MRS2: variants seen among roughly 807,000 people sequenced by gnomAD.
MRS2 encodes the protein magnesium transporter MRS2 homolog, mitochondrial.
A neutral mutation model predicts 52.6 loss-of-function variants in MRS2; 40 were observed. The ratio of observed to expected loss-of-function variants is 0.76; its 90% confidence interval spans 0.59 to 0.99. MRS2 has a LOEUF of 0.99. MRS2 is among the 50% of genes least tolerant of loss of function. MRS2 has a pLI of 0.00. For synonymous variants in MRS2, 193 were observed against 195.9 expected (o/e 0.98, Z 0.13); for missense variants, 472 against 532.7 (o/e 0.89, Z 1.12).
rs1762208156 is a variant in MRS2 at position 24,425,609 on chromosome 6, A to C, written c.*1915A>C. Reference sequence around the variant, plus strand: ...AAATATATGAAGTTCCTTGGTTTTAAATTTTGAACTAAAATGGACTGAGCA... The same window carrying C: ...AAATATATGAAGTTCCTTGGTTTTACATTTTGAACTAAAATGGACTGAGCA... On this transcript the variant is annotated 3_prime_UTR_variant, in exon 11 of 11. Coordinates refer to ENST00000378386, the MANE Select transcript of MRS2 (RefSeq NM_020662.4). 1 of 152,208 alleles carries C rather than the reference A, an allele frequency of 6.6e-6. No homozygotes were observed. The highest frequency in any genetic ancestry group is 1.5e-5 in the Non-Finnish European group (1 of 68,038). The allele number at this position is 152,208 out of a possible 1,614,324, so 9.4% of individuals were successfully genotyped here. A position where few individuals can be genotyped will look rare whatever the true frequency, so the allele number is the denominator to read the frequency against.
At chr6:24,414,781 A>G (rs1414471153) in intron 5 of MRS2, among the ~76,000 whole-genome samples, 4 of 152,316 alleles carry the variant, frequency 2.6e-5, no homozygotes, top group East Asian at 3.9e-4. Context: ...CGGGAGGAGA[A>G]AGACTCTTAC....
intron 7 of MRS2, 51 bp from the exon 8 acceptor site, chr6:24,418,033 A>G (rs1761910782): frequency 2.0e-6 from 3 of 1,522,438 alleles, no homozygotes; most frequent in East Asian, 4.5e-5. Flanking sequence ...GTCACTAAGT[A>G]TATGATACAC....
intron 10 of MRS2, 146 bp downstream of exon 10, chr6:24,423,196 G>A (rs1133526): frequency 0.15 from 90,735 of 624,260 alleles, 7,625 homozygotes; most frequent in Middle Eastern, 0.16. Flanking sequence ...CTATCTGTCA[G>A]TTAAGTCGGT....
chr6:24,417,574 C>A (rs1218366045), intron 7 of MRS2, among the ~76,000 whole-genome samples: 2 of 152,192 alleles, frequency 1.3e-5, no homozygotes, highest in Non-Finnish European at 2.9e-5. Flanking sequence ...AAGGATGGAA[C>A]CTCTGTCCTC....
chr6:24,405,971 G>C (rs921686526), intron 2 of MRS2, among the ~76,000 whole-genome samples: 2 of 151,890 alleles, frequency 1.3e-5, no homozygotes, highest in African/African-American at 2.4e-5. Context: ...CAGGCCTGGT[G>C]GTGGGCGCCT....
At chr6:24,420,304 T>C (rs1762002525) in intron 9 of MRS2, among the ~76,000 whole-genome samples, 1 of 152,200 alleles carries the variant, frequency 6.6e-6, no homozygotes, top group Non-Finnish European at 1.5e-5. Context: ...GTAAAGTTAC[T>C]TTGTCGTCTG....
At chr6:24,420,640 C>T (rs923454457) in intron 9 of MRS2, among the ~76,000 whole-genome samples, 1 of 151,976 alleles carries the variant, frequency 6.6e-6, no homozygotes, top group Non-Finnish European at 1.5e-5. Flanking sequence ...GCCAGAGAAG[C>T]GGATAGAGAA....
Position 24,425,375 on chromosome 6 carries a change from A to C in MRS2, c.*1681A>C, listed in dbSNP as rs1487054749. The C allele has an allele frequency of 2.0e-5, 3 of 152,196 alleles. No individual in the cohort carries two copies. Among genetic ancestry groups the C allele is most frequent in the African/African-American group, 7.2e-5 (3 of 41,448 alleles). The allele number at this position is 152,196 out of a possible 1,614,324, so 9.4% of individuals were successfully genotyped here. A position where few individuals can be genotyped will look rare whatever the true frequency, so the allele number is the denominator to read the frequency against. ...TTGACTTAGTTTATGAGCTTGGATA[A>C]AATAATTTTTTGATGAATCATGTCA... On this transcript the variant is annotated 3_prime_UTR_variant, in exon 11 of 11. Transcript: ENST00000378386.
At position 24,420,391 on chromosome 6, in the gene MRS2, A is replaced by AT. The variant is rs1418037919; in HGVS notation, c.1107+1814dup. 2.0e-5 allele frequency among the ~76,000 whole-genome samples: 3 copies of AT among 152,362 alleles called. No individual in the cohort carries two copies. In the East Asian group the frequency reaches 5.8e-4, roughly 29 times the overall value. On this transcript the variant is annotated intron_variant, in intron 9 of 10. Transcript: ENST00000378386. ...CCTTGTTCAAAGCCTGCAAAAGAGC[A>AT]TGAGCTCCTTGAAGCAAAGACAGTA... is the stretch of plus-strand genomic sequence containing the variant.
chr6:24,409,475 G>A lies in MRS2; in HGVS notation c.316G>A (p.Glu106Lys). 6.2e-7 allele frequency: 1 copy of A among 1,604,682 alleles called. No homozygotes were observed. The highest frequency in any genetic ancestry group is 8.5e-7 in the Non-Finnish European group (1 of 1,173,854). Reference protein sequence around the residue: ...NVTSFERKKTELYQELGLQAR... With the variant: ...NVTSFERKKTKLYQELGLQAR... Reference sequence around the variant, plus strand: ...TTCTTTTATAGAAAGGAAGAAAACTGAATTATACCAAGAGTTAGGTCTTCA... The same window carrying A: ...TTCTTTTATAGAAAGGAAGAAAACTAAATTATACCAAGAGTTAGGTCTTCA... Residue 106 changes from glutamate to lysine, a missense_variant, in exon 4 of 11, where the codon GAA (glutamate) becomes AAA (lysine). Transcript: ENST00000378386.
chr6:24,422,809 A>T, intron 9 of MRS2, 128 bp from the exon 10 acceptor site: 1 of 536,962 alleles, frequency 1.9e-6, no homozygotes, highest in Non-Finnish European at 3.3e-6. Context: ...TGTTTTTCTT[A>T]GTTCCTTTCT....
intron 4 of MRS2, among the ~76,000 whole-genome samples, chr6:24,410,387 T>C (rs1290116256): frequency 6.6e-6 from 1 of 152,228 alleles, no homozygotes; most frequent in African/African-American, 2.4e-5. Context: ...TCAGAGTTAA[T>C]GTGGGTTTCA....
chr6:24,413,502 T>C (rs1358264987), intron 5 of MRS2, among the ~76,000 whole-genome samples: 2 of 152,182 alleles, frequency 1.3e-5, no homozygotes, highest in Admixed American at 1.3e-4. Context: ...CATGAGTAGA[T>C]ATGCCTCACA....
At chr6:24,404,283 CG>C (rs1276666681) in intron 1 of MRS2, among the ~76,000 whole-genome samples, 3 of 152,134 alleles carry the variant, frequency 2.0e-5, no homozygotes, top group Non-Finnish European at 4.4e-5. Context: ...ATCTCAATCC[CG>C]GTTACACTCT....
In MRS2 at chr6:24,423,662, G is replaced by A. The variant is rs1168046418; in HGVS notation, c.1300G>A (p.Gly434Arg). 6.2e-7 allele frequency: 1 copy of A among 1,610,644 alleles called. No homozygotes were observed. Among genetic ancestry groups the A allele is most frequent in the East Asian group, 2.2e-5 (1 of 44,786 alleles). ...AAATAGCCTCAGACTGGATGGACTTGGATCAGGAAGGAGCATCCTAACAAA... is the reference window on the plus strand; with the variant it reads ...AAATAGCCTCAGACTGGATGGACTTAGATCAGGAAGGAGCATCCTAACAAA... ...LKNSLRLDGL[G>R]SGRSILTNR Residue 434 changes from glycine to arginine, a missense_variant, in exon 11 of 11, where the codon GGA becomes AGA. By Grantham distance (125) the Gly-to-Arg change is moderately radical. Coordinates refer to ENST00000378386, the MANE Select transcript of MRS2 (RefSeq NM_020662.4).
rs1561817130 is a variant in MRS2, at chr6:24,423,605, A to C, written c.1243A>C (p.Thr415Pro). The change falls in exon 11 of 11, where the codon ACT becomes CCT. Residue 415 changes from threonine to proline, a missense_variant. By Grantham distance (38) the Thr-to-Pro change is conservative. Coordinates refer to ENST00000378386, the MANE Select transcript of MRS2 (RefSeq NM_020662.4). ...PPMMASLPKK[T>P]LLADRSMELK... is the part of the protein sequence containing the mutation. ...TTAGATGGCTTCTTTACCTAAAAAG[A>C]CTCTTCTGGCAGATAGAAGCATGGA... The C allele has an allele frequency of 1.2e-6, 2 of 1,607,174 alleles. No homozygotes were observed. The highest frequency in any genetic ancestry group is 1.7e-6 in the Non-Finnish European group (2 of 1,174,760).
chr6:24,423,512 C>T, intron 10 of MRS2, 72 bp from the exon 11 acceptor site: 1 of 787,198 alleles, frequency 1.3e-6, no homozygotes, highest in East Asian at 2.7e-5. Flanking sequence ...TGAGTAGTTA[C>T]ATAATACATC....
chr6:24,405,600 CTT>C (rs951581785), intron 2 of MRS2, among the ~76,000 whole-genome samples: 1 of 150,600 alleles, frequency 6.6e-6, no homozygotes, highest in African/African-American at 2.4e-5. Context: ...TGATCTCTAA[CTT>C]TTCTCTGAAA....
chr6:24,416,334 C>CTA (rs547526413), intron 6 of MRS2, 63 bp from the exon 7 acceptor site: 2 of 691,494 alleles, frequency 2.9e-6, no homozygotes, highest in East Asian at 2.7e-5. Flanking sequence ...TCTAAAAACA[C>CTA]TATTATGAAA....
Sources: gnomAD v4.1 joint callset for allele counts (sites outside exome capture counted in the v4.1 genomes callset) on GRCh38, gnomAD v4.1.1 for gene constraint, MANE v1.5 for transcripts, NCBI Gene and HGNC (gene_info 2026-07-23, HGNC 2026-07-21) for gene names.